IRAG2: variants seen among roughly 807,000 people sequenced by gnomAD.
IRAG2 encodes the protein lymphoid restricted membrane protein.
A neutral mutation model predicts 69.9 loss-of-function variants in IRAG2; 45 were observed. The ratio of observed to expected loss-of-function variants is 0.64; its 90% CI spans 0.51 to 0.83. The LOEUF (loss-of-function observed/expected upper bound fraction) is 0.83, where lower values mean the gene tolerates loss of function less well. Ranked by LOEUF, IRAG2 falls within the 40% of genes least tolerant of loss-of-function variation. IRAG2 has a pLI of 0.00. For missense variants in IRAG2, 520 were observed against 587.0 expected (o/e 0.89, Z 1.18); for synonymous variants, 193 against 202.4 (o/e 0.95, Z 0.40).
upstream of IRAG2, among the ~76,000 whole-genome samples, chr12:25,001,587 G>A (rs979513821): frequency 6.6e-6 from 1 of 152,134 alleles, no homozygotes; most frequent in Non-Finnish European, 1.5e-5. Context: ...GTTTGTTATG[G>A]CTTGAACAGC....
intron 16 of IRAG2, among the ~76,000 whole-genome samples, chr12:25,038,534 T>C (rs1317358703): frequency 1.3e-5 from 2 of 151,310 alleles, no homozygotes; most frequent in East Asian, 3.9e-4. Context: ...CCCAGCTACT[T>C]GGGAGGCTGA....
chr12:25,022,705 T>C (rs1944590762), intron 7 of IRAG2, among the ~76,000 whole-genome samples: 1 of 152,220 alleles, frequency 6.6e-6, no homozygotes, highest in South Asian at 2.1e-4. Flanking sequence ...AGTTTTTAAT[T>C]GTTCAAAGTC....
At chr12:25,040,515 A>AG (rs1555128154) in intron 16 of IRAG2, among the ~76,000 whole-genome samples, 8 of 151,656 alleles carry the variant, frequency 5.3e-5, no homozygotes, top group South Asian at 2.1e-4. Flanking sequence ...CTTAAAAAAA[A>AG]AGAGAGAGAG....
intron 6 of IRAG2, chr12:25,075,642 C>T (rs1193572833): frequency 6.6e-6 from 1 of 151,448 alleles, no homozygotes; most frequent in Non-Finnish European, 1.5e-5. Context: ...CCCCACCCTA[C>T]ATTAGACTCT....
intron 6 of IRAG2, among the ~76,000 whole-genome samples, chr12:25,071,546 G>T (rs115787651): frequency 0.015 from 2,273 of 152,212 alleles, 64 homozygotes; most frequent in African/African-American, 0.052. Flanking sequence ...CAGGAACTTT[G>T]TACAAAAGCA....
chr12:25,035,754 G>A (rs1487185504), exon 14 of IRAG2: 1 of 398,870 alleles, frequency 2.5e-6, no homozygotes, highest in Non-Finnish European at 4.4e-6. Flanking sequence ...CCGCACAGAA[G>A]GCAGTGGAAT....
chr12:25,079,255 T>G lies in IRAG2; in HGVS notation c.36T>G (p.Val12=). Residue 12 remains valine (V), a synonymous_variant, in exon 7 of 22, where the codon GTT becomes GTG. Coordinates refer to ENST00000556887, the MANE Select transcript of IRAG2 (RefSeq NM_001366544.2). ...NDDPSMEENG[V]ERVCPESLLQ... ...TCTTTTTCCTTAAGGAGAATGGTGTTGAACGCGTGTGTCCTGAGAGCCTGC... is the reference window on the plus strand; with the variant it reads ...TCTTTTTCCTTAAGGAGAATGGTGTGGAACGCGTGTGTCCTGAGAGCCTGC... The G allele has an allele frequency of 6.2e-7, 1 of 1,614,126 alleles. No homozygotes were observed. Among genetic ancestry groups the G allele is most frequent in the African/African-American group, 1.3e-5 (1 of 75,026 alleles).
At chr12:25,047,704 A>T (rs1944806275), upstream of IRAG2, among the ~76,000 whole-genome samples, 1 of 152,144 alleles carries the variant, frequency 6.6e-6, no homozygotes, top group African/African-American at 2.4e-5. Context: ...AAGTGAGAAC[A>T]TGTGACGTTT....
At chr12:25,044,220 A>T (rs1040729175) in intron 16 of IRAG2, among the ~76,000 whole-genome samples, 1 of 152,148 alleles carries the variant, frequency 6.6e-6, no homozygotes, top group Non-Finnish European at 1.5e-5. Flanking sequence ...GACTATTATA[A>T]GATGTTTTAT....
intron 16 of IRAG2, among the ~76,000 whole-genome samples, chr12:25,042,699 T>A (rs1944760217): frequency 6.6e-6 from 1 of 151,874 alleles, no homozygotes; most frequent in South Asian, 2.1e-4. Context: ...TCTCTTGACC[T>A]CGTGATCCAC....
intron 6 of IRAG2, among the ~76,000 whole-genome samples, chr12:25,020,120 T>G (rs1170801847): frequency 6.6e-6 from 1 of 152,216 alleles, no homozygotes; most frequent in East Asian, 1.9e-4. Flanking sequence ...AAATTGTATC[T>G]CCTTTGAAGG....
chr12:25,009,793 G>A (rs1336941516), intron 2 of IRAG2, among the ~76,000 whole-genome samples: 1 of 98,726 alleles, frequency 1.0e-5, no homozygotes, highest in East Asian at 3.3e-4. Flanking sequence ...TTCAATTCAA[G>A]TCTAGAAGCA....
chr12:25,038,142 T>C (rs1319047188), intron 16 of IRAG2: 2 of 398,830 alleles, frequency 5.0e-6, no homozygotes, highest in Admixed American at 4.4e-5. Context: ...TGCCAGGTGA[T>C]GATCATTTAT....
upstream of IRAG2, among the ~76,000 whole-genome samples, chr12:25,051,496 T>C (rs561676504): frequency 3.9e-5 from 6 of 152,356 alleles, no homozygotes; most frequent in East Asian, 3.8e-4. Context: ...CAGATAATCA[T>C]TGAGGTACTG....
chr12:25,020,022 C>T (rs935835132), intron 6 of IRAG2, among the ~76,000 whole-genome samples: 3 of 152,194 alleles, frequency 2.0e-5, no homozygotes, highest in African/African-American at 7.2e-5. Context: ...AGTCATTCTT[C>T]CCTTCTTCAA....
intron 13 of IRAG2, among the ~76,000 whole-genome samples, chr12:25,034,528 C>T (rs1944690579): frequency 6.6e-6 from 1 of 152,060 alleles, no homozygotes; most frequent in Admixed American, 6.6e-5. Context: ...TACTTTATAA[C>T]ATGGGAAGAA....
rs1329466140 is a variant in IRAG2, at chr12:25,097,147, C to T, written c.741+103C>T. The T allele has an allele frequency of 5.0e-6, 6 of 1,204,368 alleles. No homozygotes were observed. In the African/African-American group the frequency reaches 7.8e-5, roughly 16 times the overall value. 74.6% of individuals were successfully genotyped at this position (1,204,368 alleles called of 1,614,324 possible). On this transcript the variant is annotated intron_variant, in intron 15 of 21. Coordinates refer to ENST00000556887, the MANE Select transcript of IRAG2 (RefSeq NM_001366544.2). ...TTCTAGGAATAAGTTTTAAAAAATA[C>T]TTTTGTTGTATAAGACATATGCGTT...
intron 2 of IRAG2, chr12:25,011,252 C>CT: frequency 1.1e-6 from 1 of 887,534 alleles, no homozygotes; most frequent in Non-Finnish European, 1.5e-6. Flanking sequence ...CTCCGCAGGA[C>CT]TGCCAGGGTT....
rs1947903164 is a variant in IRAG2, at chr12:25,089,746, T to C, written c.438-17T>C. On this transcript the variant is annotated splice_polypyrimidine_tract_variant and intron_variant, in intron 12 of 21. Transcript: ENST00000556887. ...TGTTGGATTATGTTTAAATATGTTT[T>C]TTGTCTTATCCTACAGCACTTCTGC... 1.9e-6 allele frequency: 3 copies of C among 1,613,358 alleles called. No homozygotes were observed. The highest frequency in any genetic ancestry group is 2.5e-6 in the Non-Finnish European group (3 of 1,179,814).
Sources: allele counts gnomAD v4.1 joint callset (sites outside exome capture counted in the v4.1 genomes callset), GRCh38; gene constraint gnomAD v4.1.1; transcripts MANE v1.5; gene names NCBI Gene and HGNC (gene_info 2026-07-23, HGNC 2026-07-21).